The following RSRC1 variants were observed in gnomAD, a reference collection of about 807,000 sequenced individuals.
RSRC1 encodes serine/Arginine-related protein 53.
In RSRC1, 39 loss-of-function variants were observed where a neutral mutation model predicts 49.1. The observed-to-expected ratio is 0.79, with a 90% CI of 0.61 to 1.04. RSRC1 has a LOEUF of 1.04. RSRC1 is among the 50% of genes least tolerant of loss of function. The pLI, the probability that RSRC1 is intolerant of heterozygous loss-of-function variation, is 0.00. For synonymous variants in RSRC1, 143 were observed against 130.8 expected, an observed-to-expected ratio of 1.09 and a Z score of -0.63; for missense variants, 388 against 402.4, an observed-to-expected ratio of 0.96 and a Z score of 0.31.
At chr3:158,421,505 C>T (rs189396766) in intron 6 of RSRC1, among the ~76,000 whole-genome samples, 97 of 151,690 alleles carry the variant, frequency 6.4e-4, no homozygotes, top group Non-Finnish European at 1.2e-3. Context: ...TTCTGATGGA[C>T]TAGGGTAGTG....
intron 1 of RSRC1, among the ~76,000 whole-genome samples, chr3:158,115,921 C>T (rs1714777171): frequency 6.6e-6 from 1 of 152,060 alleles, no homozygotes; most frequent in African/African-American, 2.4e-5. Flanking sequence ...TATGGATAAC[C>T]TTTGGTACTC....
At chr3:158,181,007 T>C (rs991765564) in intron 3 of RSRC1, among the ~76,000 whole-genome samples, 4 of 151,244 alleles carry the variant, frequency 2.6e-5, no homozygotes, top group African/African-American at 9.7e-5. Context: ...AGTTTCACTG[T>C]GTTGGCCAGG....
At chr3:158,122,056 T>G in intron 1 of RSRC1, 47 bp from the exon 2 acceptor site, 8 of 1,098,470 alleles carry the variant, frequency 7.3e-6, no homozygotes, top group Non-Finnish European at 8.8e-6. Flanking sequence ...ATTTCATCCA[T>G]TGTGCCACCA....
In RSRC1 at chr3:158,240,298, A is replaced by G. The variant is rs75197392; in HGVS notation, c.494+37053A>G. Among the ~76,000 whole-genome samples the G allele has an allele frequency of 1.6e-3, 239 of 152,226 alleles. 3 individuals carry two copies. In the East Asian group the frequency reaches 0.031, roughly 20 times the overall value. ...TTTTGGTAGTTAACCTTTCCTACTA[A>G]TAAAGTTTTCTTCAATTCTTAGTTG... is the stretch of plus-strand genomic sequence containing the variant. On this transcript the variant is annotated intron_variant, in intron 4 of 9. Coordinates refer to ENST00000611884, the MANE Select transcript of RSRC1 (RefSeq NM_001271838.2).
intron 6 of RSRC1, among the ~76,000 whole-genome samples, chr3:158,371,429 T>G (rs991251160): frequency 2.0e-5 from 3 of 149,858 alleles, no homozygotes; most frequent in African/African-American, 7.6e-5. Flanking sequence ...CCACTGATCT[T>G]TTTTTTTGTC....
In RSRC1 at chr3:158,223,590, A is replaced by ATTT. The variant is rs5853818; in HGVS notation, c.494+20354_494+20356dup. On this transcript the variant is annotated intron_variant, in intron 4 of 9. Transcript: ENST00000611884. ...ACCTGATCTATAGTTTAGCTTCCTG[A>ATTT]TTTTTTTTTTTGCTTTCAATCTTGT... Among the ~76,000 whole-genome samples the ATTT allele has an allele frequency of 1.4e-3, 205 of 145,682 alleles. 5 individuals carry two copies. In the South Asian group the frequency reaches 0.022, roughly 16 times the overall value.
intron 7 of RSRC1, among the ~76,000 whole-genome samples, chr3:158,492,997 G>A (rs1356303304): frequency 6.6e-6 from 1 of 152,064 alleles, no homozygotes; most frequent in East Asian, 1.9e-4. Context: ...TTGGGAAAGT[G>A]GCCATTTCTG....
chr3:158,384,207 A>G (rs757233261), intron 6 of RSRC1, among the ~76,000 whole-genome samples: 5 of 152,188 alleles, frequency 3.3e-5, no homozygotes, highest in Admixed American at 6.6e-5. Flanking sequence ...TAAGACATCA[A>G]GAAACTCTTC....
At chr3:158,494,670 T>C (rs1373821786) in intron 7 of RSRC1, among the ~76,000 whole-genome samples, 1 of 152,228 alleles carries the variant, frequency 6.6e-6, no homozygotes, top group Non-Finnish European at 1.5e-5. Flanking sequence ...CTTTATTCTT[T>C]AAGCATTTCC....
intron 3 of RSRC1, among the ~76,000 whole-genome samples, chr3:158,185,404 C>CA (rs1719870218): frequency 1.3e-5 from 2 of 151,816 alleles, no homozygotes; most frequent in Admixed American, 6.6e-5. Context: ...TTTTCTTTTA[C>CA]AAAAAATATT....
chr3:158,464,082 GTTTC>G (rs1279618050), intron 7 of RSRC1, among the ~76,000 whole-genome samples: 1 of 151,800 alleles, frequency 6.6e-6, no homozygotes, highest in African/African-American at 2.4e-5. Flanking sequence ...TTCAGTTCTG[GTTTC>G]TTTCTTATTC....
intron 6 of RSRC1, among the ~76,000 whole-genome samples, chr3:158,391,552 T>C (rs1161854801): frequency 6.6e-6 from 1 of 152,196 alleles, no homozygotes; most frequent in Non-Finnish European, 1.5e-5. Context: ...CTTAAAGCCC[T>C]TGGCTCCCTT....
chr3:158,342,295 A>G (rs538933799), intron 5 of RSRC1, among the ~76,000 whole-genome samples: 2 of 152,298 alleles, frequency 1.3e-5, no homozygotes, highest in East Asian at 1.9e-4. Context: ...CTTGAATTGT[A>G]TCTTCCAGAA....
intron 4 of RSRC1, among the ~76,000 whole-genome samples, chr3:158,247,674 T>C (rs1190793768): frequency 6.6e-6 from 1 of 152,194 alleles, no homozygotes; most frequent in African/African-American, 2.4e-5. Context: ...AGGGGATCTG[T>C]TTCAGAACCT....
At chr3:158,504,619 T>G (rs1222540679) in intron 7 of RSRC1, among the ~76,000 whole-genome samples, 1 of 152,156 alleles carries the variant, frequency 6.6e-6, no homozygotes, top group African/African-American at 2.4e-5. Flanking sequence ...GTCATATCAT[T>G]TAACCTCACT....
intron 3 of RSRC1, among the ~76,000 whole-genome samples, chr3:158,167,176 T>A (rs1718585507): frequency 6.6e-6 from 1 of 151,940 alleles, no homozygotes; most frequent in Non-Finnish European, 1.5e-5. Context: ...TATATTTTCT[T>A]CTCTCTCTCT....
rs187515037 is a variant in RSRC1 at position 158,315,988 on chromosome 3, A to G, written c.531+17913A>G. Among the ~76,000 whole-genome samples the G allele has an allele frequency of 8.0e-4, 121 of 152,134 alleles. 1 individual carries two copies. The highest frequency in any genetic ancestry group is 3.9e-3 in the South Asian group (19 of 4,818). ...GGGGTTTGAGACCAGCCTGGCCAAC[A>G]TGGTGAAACCCCGTCTCCACTAAAA... is the stretch of plus-strand genomic sequence containing the variant. On this transcript the variant is annotated intron_variant, in intron 5 of 9. Transcript: ENST00000611884.
chr3:158,388,834 C>T (rs1200366372), intron 6 of RSRC1, among the ~76,000 whole-genome samples: 4 of 152,096 alleles, frequency 2.6e-5, no homozygotes, highest in African/African-American at 9.7e-5. Flanking sequence ...TGGTCTCGAT[C>T]TCCTGACCTC....
At chr3:158,452,157 G>A (rs1226303391) in intron 6 of RSRC1, among the ~76,000 whole-genome samples, 1 of 152,070 alleles carries the variant, frequency 6.6e-6, no homozygotes, top group Non-Finnish European at 1.5e-5. Context: ...TAAGAAACAA[G>A]ATAAAAAGAG....
Sources: allele counts gnomAD v4.1 joint callset (sites outside exome capture counted in the v4.1 genomes callset), GRCh38; gene constraint gnomAD v4.1.1; transcripts MANE v1.5; gene names NCBI Gene and HGNC (gene_info 2026-07-23, HGNC 2026-07-21).